Variants in KLHDC9 observed in about 807,000 individuals in gnomAD.
The protein encoded by KLHDC9 is kelch domain-containing protein 9.
Under a neutral mutation model 31.5 loss-of-function variants are expected in KLHDC9, and 26 were observed. The observed-to-expected ratio is 0.83, with a 90% CI of 0.61 to 1.15. KLHDC9 has a LOEUF of 1.15. Among genes scored for constraint, KLHDC9 ranks in the 50% most tolerant of loss-of-function variants. KLHDC9 has a pLI of 0.00. For missense variants in KLHDC9, 437 were observed against 467.7 expected, an observed-to-expected ratio of 0.93 and a Z score of 0.61; for synonymous variants, 176 against 184.7, an observed-to-expected ratio of 0.95 and a Z score of 0.38.
chr1:161,100,189 G>C lies in KLHDC9; in HGVS notation c.1015G>C (p.Ala339Pro). ...GGGTTTTGGTGAGGATGGCAGGACA[G>C]CCAGTCCACAGGTTTGCATCCTGGA... is the stretch of plus-strand genomic sequence containing the variant. ...VGGFGEDGRT[A>P]SPQVCILDFI is the part of the protein sequence containing the mutation. The change falls in exon 4 of 4, where the codon GCC becomes CCC. Residue 339 changes from alanine to proline, a missense_variant. Ala to Pro is a conservative substitution (Grantham distance 27, BLOSUM62 -1). Coordinates refer to ENST00000368011, the MANE Select transcript of KLHDC9 (RefSeq NM_152366.5). 1 of 1,614,234 alleles carries C rather than the reference G, an allele frequency of 6.2e-7. No individual in the cohort carries two copies. The highest frequency in any genetic ancestry group is 2.2e-5 in the East Asian group (1 of 44,888).
rs1032401204 is a variant in KLHDC9 at position 161,098,625 on chromosome 1, C to T, written c.90C>T (p.Phe30=). 1 of 1,610,006 alleles carries T rather than the reference C, an allele frequency of 6.2e-7. No homozygotes were observed. Among genetic ancestry groups the T allele is most frequent in the Non-Finnish European group, 8.5e-7 (1 of 1,178,188 alleles). The change falls in exon 1 of 4, where the codon TTC becomes TTT. Residue 30 remains phenylalanine, a synonymous_variant. Transcript: ENST00000368011. This position sits in a 1 kb window ranked among gnomAD's most constrained non-coding sequence, Gnocchi z 6.3. ...GGGACGCGCTTTTGGCTAGAGCTTT[C>T]CATTCATGCACCGAACTGCGGGGAC... The part of the protein sequence containing the change: ...VARDALLARA[F]HSCTELRGRF...
chr1:161,100,276 C>T lies in KLHDC9; in HGVS notation c.*52C>T. Reference sequence around the variant, plus strand: ...TCGTTTTGTTTTGCTTTGTTGCAAACCTATAAAGCGTTATCACCAGAGCTA... The same window carrying T: ...TCGTTTTGTTTTGCTTTGTTGCAAATCTATAAAGCGTTATCACCAGAGCTA... On this transcript the variant is annotated 3_prime_UTR_variant, in exon 4 of 4. Coordinates refer to ENST00000368011, the MANE Select transcript of KLHDC9 (RefSeq NM_152366.5). The T allele has an allele frequency of 6.5e-7, 1 of 1,534,266 alleles. No homozygotes were observed. Among genetic ancestry groups the T allele is most frequent in the Non-Finnish European group, 9.0e-7 (1 of 1,116,286 alleles).
rs1227352937 is a variant in KLHDC9 at position 161,098,481 on chromosome 1, T to C, written c.-55T>C. The C allele has an allele frequency of 7.0e-7, 1 of 1,438,146 alleles. No homozygotes were observed. Among genetic ancestry groups the C allele is most frequent in the Admixed American group, 2.6e-5 (1 of 38,778 alleles). 89.1% of individuals were successfully genotyped at this position (1,438,146 alleles called of 1,614,324 possible). ...GGAAGGCGAGGTGCCTGGCCTGCCA[T>C]GTAGGGGCTCGTTCCAAGCCGCAGA... is the stretch of plus-strand genomic sequence containing the variant. On this transcript the variant is annotated 5_prime_UTR_variant, in exon 1 of 4. It removes an upstream start codon present in the reference 5' UTR. Coordinates refer to ENST00000368011, the MANE Select transcript of KLHDC9 (RefSeq NM_152366.5). This position sits in a 1 kb window ranked among gnomAD's most constrained non-coding sequence, Gnocchi z 6.3.
At chr1:161,099,871 G>A in intron 3 of KLHDC9, 75 bp downstream of exon 3, 2 of 1,439,222 alleles carry the variant, frequency 1.4e-6, no homozygotes, top group Non-Finnish European at 2.0e-6. Flanking sequence ...GAAAGAGGAT[G>A]GAGTGATGGG....
rs1461049815 is a variant in KLHDC9, at chr1:161,100,328, A to G, written c.*104A>G. The G allele has an allele frequency of 6.4e-6, 8 of 1,241,622 alleles. No individual in the cohort carries two copies. Among genetic ancestry groups the G allele is most frequent in the African/African-American group, 4.5e-5 (3 of 66,274 alleles). The allele number at this position is 1,241,622 out of a possible 1,614,324, so 76.9% of individuals were successfully genotyped here. A position where few individuals can be genotyped will look rare whatever the true frequency, so the allele number is the denominator to read the frequency against. On this transcript the variant is annotated 3_prime_UTR_variant, in exon 4 of 4. Transcript: ENST00000368011. ...CTGCTTCACTTCAAATGCTTATTAA[A>G]TTTCAATCTGAGACTCAAGATTTGT...
intron 3 of KLHDC9, 129 bp from the exon 4 acceptor site, chr1:161,099,932 A>G: frequency 2.2e-6 from 3 of 1,338,306 alleles, no homozygotes; most frequent in South Asian, 1.2e-5. Flanking sequence ...TACACAGAAT[A>G]TTAAGCATTT....
Position 161,098,492 on chromosome 1 carries a change from G to A in KLHDC9, c.-44G>A, listed in dbSNP as rs899259731. On this transcript the variant is annotated 5_prime_UTR_variant, in exon 1 of 4. Coordinates refer to ENST00000368011, the MANE Select transcript of KLHDC9 (RefSeq NM_152366.5). The surrounding 1 kb of genome is among the most constrained non-coding windows in gnomAD (Gnocchi z 6.3). ...TGCCTGGCCTGCCATGTAGGGGCTC[G>A]TTCCAAGCCGCAGACCCCACCGCCC... The A allele has an allele frequency of 1.8e-5, 27 of 1,488,786 alleles. No homozygotes were observed. Among genetic ancestry groups the A allele is most frequent in the Admixed American group, 2.4e-5 (1 of 42,500 alleles). The allele number at this position is 1,488,786 out of a possible 1,614,324, so 92.2% of individuals were successfully genotyped here.
rs1469760589 is a variant in KLHDC9, at chr1:161,098,595, G to A, written c.60G>A (p.Val20=). ...GCTCAGGCTGGGCCTGGAGGCCAGT[G>A]GCGCGGGACGCGCTTTTGGCTAGAG... ...AAGSGWAWRP[V]ARDALLARAF... is the part of the protein sequence containing the mutation. The change falls in exon 1 of 4, where the codon GTG becomes GTA. Residue 20 remains valine (V), a synonymous_variant. Coordinates refer to ENST00000368011, the MANE Select transcript of KLHDC9 (RefSeq NM_152366.5). This position sits in a 1 kb window ranked among gnomAD's most constrained non-coding sequence, Gnocchi z 6.3. 7 of 1,591,648 alleles carry A rather than the reference G, an allele frequency of 4.4e-6. No homozygotes were observed.
rs929144879 is a variant in KLHDC9, at chr1:161,099,495, G to A, written c.677G>A (p.Gly226Glu). The change falls in exon 2 of 4, where the codon GGG becomes GAG. Residue 226 changes from glycine to glutamate, a missense_variant. Physicochemically the swap from Gly to Glu is moderately conservative, Grantham distance 98. Coordinates refer to ENST00000368011, the MANE Select transcript of KLHDC9 (RefSeq NM_152366.5). ...EPEVAGHWSHGKIKEEPPVAP... is the reference protein window; with the variant it reads ...EPEVAGHWSHEKIKEEPPVAP... ...GAAGTAGCTGGGCATTGGAGTCATG[G>A]GAAAATTAAGGTATTAGCTCCTCAC... 1.9e-6 allele frequency: 3 copies of A among 1,614,216 alleles called. No homozygotes were observed. Among genetic ancestry groups the A allele is most frequent in the African/African-American group, 1.3e-5 (1 of 75,056 alleles).
chr1:161,098,984 G>A lies in KLHDC9; in HGVS notation c.449G>A (p.Arg150Gln), dbSNP rs1431820929. The A allele has an allele frequency of 4.1e-5, 65 of 1,592,376 alleles. No individual in the cohort carries two copies. The highest frequency in any genetic ancestry group is 5.4e-5 in the Non-Finnish European group (63 of 1,176,522). Residue 150 changes from arginine (R) to glutamine (Q), a missense_variant, in exon 1 of 4, where the codon CGG becomes CAG. Arg to Gln is a conservative substitution (Grantham distance 43). Coordinates refer to ENST00000368011, the MANE Select transcript of KLHDC9 (RefSeq NM_152366.5). This position sits in a 1 kb window ranked among gnomAD's most constrained non-coding sequence, Gnocchi z 6.3. ...GACCGAGAGCTGCAGGTGGCTGGCC[G>A]GGAGGGCGGTATCCACACTCAGCGA... ...ISDRELQVAGREGGIHTQRRY... is the reference protein window; with the variant it reads ...ISDRELQVAGQEGGIHTQRRY...
chr1:161,099,072 C>A lies in KLHDC9; in HGVS notation c.527+10C>A. The A allele has an allele frequency of 6.3e-7, 1 of 1,594,518 alleles. No homozygotes were observed. Among genetic ancestry groups the A allele is most frequent in the Non-Finnish European group, 8.5e-7 (1 of 1,177,924 alleles). ...GCGCCCGCACCTATTGGTATGGCAC[C>A]CTCCGCCCAAAACCTTTCACTCTCA... On this transcript the variant is annotated intron_variant, in intron 1 of 3. Transcript: ENST00000368011.
Position 161,099,249 on chromosome 1 carries a change from C to T in KLHDC9, c.528-97C>T, listed in dbSNP as rs554577020. ...CCTCCCTCTTATCCCACCTACCGCA[C>T]TGCCCCATGCCTCTTCTCCATCCAT... On this transcript the variant is annotated intron_variant, in intron 1 of 3. Transcript: ENST00000368011. The T allele has an allele frequency of 8.2e-6, 12 of 1,455,198 alleles. No homozygotes were observed. The African/African-American group carries it at 1.5e-4, about 19-fold the overall frequency. The allele number at this position is 1,455,198 out of a possible 1,614,324, so 90.1% of individuals were successfully genotyped here. A position where few individuals can be genotyped will look rare whatever the true frequency, so the allele number is the denominator to read the frequency against.
In KLHDC9 at chr1:161,100,171, G is replaced by A; in HGVS notation, c.997G>A (p.Gly333Ser). 1 of 1,614,224 alleles carries A rather than the reference G, an allele frequency of 6.2e-7. No homozygotes were observed. Among genetic ancestry groups the A allele is most frequent in the Non-Finnish European group, 8.5e-7 (1 of 1,180,036 alleles). Reference sequence around the variant, plus strand: ...TCAGCTTTACCTGGTTGGGGGTTTTGGTGAGGATGGCAGGACAGCCAGTCC... The same window carrying A: ...TCAGCTTTACCTGGTTGGGGGTTTTAGTGAGGATGGCAGGACAGCCAGTCC... ...NDQLYLVGGFGEDGRTASPQV... is the reference protein window; with the variant it reads ...NDQLYLVGGFSEDGRTASPQV... The change falls in exon 4 of 4, where the codon GGT becomes AGT. Residue 333 changes from glycine (G) to serine (S), a missense_variant. Transcript: ENST00000368011.
Position 161,098,531 on chromosome 1 carries a change from G to A in KLHDC9, c.-5G>A. 6.5e-7 allele frequency: 1 copy of A among 1,546,214 alleles called. No homozygotes were observed. The highest frequency in any genetic ancestry group is 8.7e-7 in the Non-Finnish European group (1 of 1,143,614). ...ACCCCACCGCCCTCCCTCTCCCCGG[G>A]GCCCATGGCGGTGGCCGTGCCCCCG... On this transcript the variant is annotated 5_prime_UTR_variant, in exon 1 of 4. Coordinates refer to ENST00000368011, the MANE Select transcript of KLHDC9 (RefSeq NM_152366.5). The surrounding 1 kb of genome is among the most constrained non-coding windows in gnomAD (Gnocchi z 6.3).
At chr1:161,099,890 G>T in intron 3 of KLHDC9, 94 bp downstream of exon 3, 1 of 1,393,124 alleles carries the variant, frequency 7.2e-7, no homozygotes, top group East Asian at 2.3e-5. Flanking sequence ...GGGTAGGGAG[G>T]AGGAAAAATT....
chr1:161,098,966 AGCTGCAGGTG>A lies in KLHDC9; in HGVS notation c.436_445del (p.Gln146AlafsTer18). On this transcript the variant is annotated frameshift_variant, in exon 1 of 4. Coordinates refer to ENST00000368011, the MANE Select transcript of KLHDC9 (RefSeq NM_152366.5). LOFTEE classifies it high-confidence loss of function. The surrounding 1 kb of genome is among the most constrained non-coding windows in gnomAD (Gnocchi z 6.3). ...ACCTGCACCCGAATCTCTGACCGAG[AGCTGCAGGTG>A]GCTGGCCGGGAGGGCGGTATCCACA... The A allele has an allele frequency of 6.3e-7, 1 of 1,589,466 alleles. No homozygotes were observed.
intron 1 of KLHDC9, 75 bp from the exon 2 acceptor site, chr1:161,099,271 C>A: frequency 6.4e-7 from 1 of 1,558,798 alleles, no homozygotes; most frequent in Non-Finnish European, 8.8e-7. Flanking sequence ...TCTTCTCCAT[C>A]CATCCTTGGC....
Position 161,098,897 on chromosome 1 carries a change from C to T in KLHDC9, c.362C>T (p.Thr121Ile). ...DTERGVWEAW[T>I]GTPGDCPPAG... ...GAGCGCGGTGTGTGGGAGGCGTGGA[C>T]AGGGACCCCTGGTGACTGCCCCCCC... is the stretch of plus-strand genomic sequence containing the variant. Residue 121 changes from threonine to isoleucine, a missense_variant, in exon 1 of 4, where the codon ACA becomes ATA. Coordinates refer to ENST00000368011, the MANE Select transcript of KLHDC9 (RefSeq NM_152366.5). The surrounding 1 kb of genome is among the most constrained non-coding windows in gnomAD (Gnocchi z 6.3). 1 of 1,574,048 alleles carries T rather than the reference C, an allele frequency of 6.4e-7. No homozygotes were observed. Among genetic ancestry groups the T allele is most frequent in the South Asian group, 1.2e-5 (1 of 86,538 alleles).
Position 161,099,488 on chromosome 1 carries a change from A to G in KLHDC9, c.670A>G (p.Ser224Gly), listed in dbSNP as rs1256369280. 6 of 1,614,236 alleles carry G rather than the reference A, an allele frequency of 3.7e-6. No homozygotes were observed. The highest frequency in any genetic ancestry group is 1.1e-5 in the South Asian group (1 of 91,088). ...LAEPEVAGHW[S>G]HGKIKEEPPV... ...TGAACCAGAAGTAGCTGGGCATTGG[A>G]GTCATGGGAAAATTAAGGTATTAGC... Residue 224 changes from serine to glycine, a missense_variant, in exon 2 of 4, where the codon AGT becomes GGT. Coordinates refer to ENST00000368011, the MANE Select transcript of KLHDC9 (RefSeq NM_152366.5).
Sources: gnomAD v4.1 joint callset for allele counts on GRCh38, gnomAD v4.1.1 for gene constraint, Gnocchi (gnomAD v3.1) non-coding constraint, MANE v1.5 for transcripts, NCBI Gene and HGNC (gene_info 2026-07-23, HGNC 2026-07-21) for gene names.